ANAPC11: variants seen among roughly 807,000 people sequenced by gnomAD.
The protein encoded by ANAPC11 is anaphase promoting complex subunit 11, also known as anaphase-promoting complex subunit 11.
Under a neutral mutation model 11.8 loss-of-function variants are expected in ANAPC11, and 5 were observed. The ratio of observed to expected loss-of-function variants is 0.42; its 90% CI spans 0.22 to 0.89. The LOEUF is 0.89. Ranked by LOEUF, ANAPC11 falls within the 40% of genes least tolerant of loss-of-function variation. The pLI, the probability that ANAPC11 is intolerant of heterozygous loss-of-function variation, is 0.28. For missense variants in ANAPC11, 68 were observed against 112.9 expected (o/e 0.60, Z 1.80); for synonymous variants, 45 against 41.0 (o/e 1.10, Z -0.38).
intron 3 of ANAPC11, chr17:81,898,703 C>G (rs1175184964): frequency 6.4e-6 from 1 of 155,194 alleles, no homozygotes; most frequent in Non-Finnish European, 1.4e-5. Flanking sequence ...CATCCCGCAT[C>G]CCAGGGGACT....
At chr17:81,897,977 C>T (rs1410561813) in intron 3 of ANAPC11, 1 of 152,194 alleles carries the variant, frequency 6.6e-6, no homozygotes, top group Non-Finnish European at 1.5e-5. Context: ...ATAGAAATCT[C>T]ATCACTCAGG....
At chr17:81,899,494 T>C in intron 3 of ANAPC11, 1 of 1,613,928 alleles carries the variant, frequency 6.2e-7, no homozygotes, top group East Asian at 2.2e-5. Context: ...TCATGTGACC[T>C]TTTTGGCATC....
upstream of ANAPC11, chr17:81,891,618 T>G: frequency 7.4e-7 from 1 of 1,352,510 alleles, no homozygotes. Flanking sequence ...GGCACGTCAC[T>G]TCCGGCGCCG....
chr17:81,891,061 C>T (rs1336747698), upstream of ANAPC11: 6 of 684,996 alleles, frequency 8.8e-6, no homozygotes, highest in East Asian at 1.7e-4. Flanking sequence ...CCCAGCGTCC[C>T]CTCCTCTCCT....
At chr17:81,891,361 C>A (rs1316628690), upstream of ANAPC11, 4 of 1,151,546 alleles carry the variant, frequency 3.5e-6, no homozygotes, top group Non-Finnish European at 4.3e-6. Context: ...CCGCCTCCGC[C>A]GGCCGCGCCG....
chr17:81,896,157 G>T (rs2039734562), intron 3 of ANAPC11, among the ~76,000 whole-genome samples: 1 of 151,196 alleles, frequency 6.6e-6, no homozygotes, highest in Non-Finnish European at 1.5e-5. Flanking sequence ...ATGGTGGCAG[G>T]TGCCTGTAAT....
chr17:81,894,629 G>A, intron 3 of ANAPC11, 43 bp downstream of exon 3: 1 of 1,417,796 alleles, frequency 7.1e-7, no homozygotes, highest in Non-Finnish European at 9.8e-7. Context: ...CCGACTGTGA[G>A]TGTCCCCTCT....
intron 3 of ANAPC11, among the ~76,000 whole-genome samples, chr17:81,896,126 A>T (rs2039733487): frequency 6.6e-6 from 1 of 152,068 alleles, no homozygotes; most frequent in Admixed American, 6.5e-5. Flanking sequence ...TCTACTAAAA[A>T]TCCAAAAAAA....
At chr17:81,894,924 G>A in intron 3 of ANAPC11, 2 of 234,962 alleles carry the variant, frequency 8.5e-6, no homozygotes, top group Non-Finnish European at 1.6e-5. Context: ...TGCCTTGTTG[G>A]CTAGGCTGGC....
Position 81,899,823 on chromosome 17 carries a change from A to C in ANAPC11, c.110-97A>C, listed in dbSNP as rs1598305687. The C allele has an allele frequency of 3.1e-6, 4 of 1,271,166 alleles. 1 individual carries two copies. The East Asian group carries it at 9.9e-5, about 31-fold the overall frequency. The allele number at this position is 1,271,166 out of a possible 1,614,324, so 78.7% of individuals were successfully genotyped here. A position where few individuals can be genotyped will look rare whatever the true frequency, so the allele number is the denominator to read the frequency against. On this transcript the variant is annotated intron_variant, in intron 3 of 3. Coordinates refer to ENST00000344877, the MANE Select transcript of ANAPC11 (RefSeq NM_001002248.3). ...CATGAGAGGCTGCAGTGCTGGAGCCACTGCCCAGGGTCCCTACCTGCACCC... is the reference window on the plus strand; with the variant it reads ...CATGAGAGGCTGCAGTGCTGGAGCCCCTGCCCAGGGTCCCTACCTGCACCC...
chr17:81,891,300 G>C (rs1598293205), upstream of ANAPC11: 2 of 1,130,310 alleles, frequency 1.8e-6, no homozygotes, highest in African/African-American at 3.4e-5. Flanking sequence ...CCACTCTCCG[G>C]CGCGGCCGGC....
intron 1 of ANAPC11, among the ~76,000 whole-genome samples, chr17:81,892,524 A>ATTTTTTTTTTTTTT (rs201667030): frequency 4.7e-5 from 6 of 128,530 alleles, no homozygotes; most frequent in African/African-American, 1.5e-4. Flanking sequence ...CATTTCATTG[A>ATTTTTTTTTTTTTT]TTTTTTTTTT....
In ANAPC11 at chr17:81,900,115, G is replaced by A. The variant is rs1225135387; in HGVS notation, c.*50G>A. The A allele has an allele frequency of 1.9e-6, 3 of 1,607,438 alleles. No homozygotes were observed. The highest frequency in any genetic ancestry group is 2.5e-6 in the Non-Finnish European group (3 of 1,177,510). ...GGGCATCCTGAGACTCCTTCCTCAT[G>A]CTGGCGCCGATGGCTGCTGGGGACA... On this transcript the variant is annotated 3_prime_UTR_variant, in exon 4 of 4. Transcript: ENST00000344877.
chr17:81,894,625 G>T, intron 3 of ANAPC11, 39 bp downstream of exon 3: 1 of 1,443,240 alleles, frequency 6.9e-7, no homozygotes. Flanking sequence ...GGCCCCGACT[G>T]TGAGTGTCCC....
In ANAPC11 at chr17:81,899,944, C is replaced by T. The variant is rs761412036; in HGVS notation, c.134C>T (p.Pro45Leu). The T allele has an allele frequency of 2.5e-6, 4 of 1,610,590 alleles. No homozygotes were observed. Among genetic ancestry groups the T allele is most frequent in the East Asian group, 2.2e-5 (1 of 44,790 alleles). The change falls in exon 4 of 4, where the codon CCG becomes CTG. Residue 45 changes from proline (P) to leucine (L), a missense_variant. By Grantham distance (98) the Pro-to-Leu change is moderately conservative. Transcript: ENST00000344877. ...PDCKVPGDDC[P>L]LVWGQCSHCF... ...GGCAAGGTGCCCGGCGACGACTGCC[C>T]GCTGGTGTGGGGCCAGTGCTCCCAC... is the stretch of plus-strand genomic sequence containing the variant.
At chr17:81,895,012 C>T (rs1340687518) in intron 3 of ANAPC11, 1 of 165,336 alleles carries the variant, frequency 6.0e-6, no homozygotes, top group Non-Finnish European at 1.3e-5. Flanking sequence ...GCCACTTTGC[C>T]TGGCCCACAT....
At chr17:81,891,165 A>T (rs898726143), upstream of ANAPC11, among the ~76,000 whole-genome samples, 1 of 41,858 alleles carries the variant, frequency 2.4e-5, no homozygotes, top group African/African-American at 9.1e-5. Flanking sequence ...GCTCCCGCCC[A>T]CCACCCCCTC....
At chr17:81,899,825 T>G in intron 3 of ANAPC11, 95 bp from the exon 4 acceptor site, 2 of 1,289,948 alleles carry the variant, frequency 1.6e-6, no homozygotes, top group Non-Finnish European at 2.1e-6. Context: ...CTGGAGCCAC[T>G]GCCCAGGGTC....
chr17:81,896,798 C>CT (rs1156391578), intron 3 of ANAPC11, among the ~76,000 whole-genome samples: 6 of 42,912 alleles, frequency 1.4e-4, no homozygotes, highest in African/African-American at 5.0e-4. Context: ...GCCTCCTTTG[C>CT]TTTTTTTTTT....
Sources: allele counts gnomAD v4.1 joint callset (sites outside exome capture counted in the v4.1 genomes callset), GRCh38; gene constraint gnomAD v4.1.1; transcripts MANE v1.5; gene names NCBI Gene and HGNC (gene_info 2026-07-23, HGNC 2026-07-21).